The following CCDC6 variants were observed in gnomAD, a reference collection of about 807,000 sequenced individuals.
The protein encoded by CCDC6 is coiled-coil domain containing 6, also known as coiled-coil domain-containing protein 6.
Under a neutral mutation model 56.6 loss-of-function variants are expected in CCDC6, and 20 were observed. The ratio of observed to expected loss-of-function variants is 0.35; its 90% CI spans 0.25 to 0.51. The LOEUF (loss-of-function observed/expected upper bound fraction) is 0.51. CCDC6 is among the 20% of genes least tolerant of loss of function. The probability of loss-of-function intolerance (pLI) is 0.95; values close to 1 mark genes in which losing one functional copy is unlikely to be tolerated. For synonymous variants in CCDC6, 241 were observed against 234.4 expected, an observed-to-expected ratio of 1.03 and a Z score of -0.26; for missense variants, 367 against 601.1, an observed-to-expected ratio of 0.61 and a Z score of 4.07.
At chr10:59,853,742 G>A (rs1254638099) in intron 1 of CCDC6, among the ~76,000 whole-genome samples, 1 of 151,996 alleles carries the variant, frequency 6.6e-6, no homozygotes, top group Non-Finnish European at 1.5e-5. Context: ...GGAATTTTTT[G>A]GAGATGAAGT....
chr10:59,852,244 C>T (rs2071046285), intron 2 of CCDC6, among the ~76,000 whole-genome samples: 1 of 152,180 alleles, frequency 6.6e-6, no homozygotes, highest in Non-Finnish European at 1.5e-5. Context: ...AAAAATTTCA[C>T]ATTTGGCATT....
chr10:59,871,628 A>G (rs2071230788), intron 1 of CCDC6, among the ~76,000 whole-genome samples: 1 of 152,190 alleles, frequency 6.6e-6, no homozygotes, highest in South Asian at 2.1e-4. Context: ...CTAGCTAATC[A>G]GGAGACCTTA....
At chr10:59,821,648 A>C (rs1433185907) in intron 3 of CCDC6, among the ~76,000 whole-genome samples, 1 of 152,204 alleles carries the variant, frequency 6.6e-6, no homozygotes, top group Non-Finnish European at 1.5e-5. Flanking sequence ...CTGAGAACAG[A>C]AAGAGTTGAG....
Position 59,793,089 on chromosome 10 carries a change from T to C in CCDC6, c.1253A>G (p.Asn418Ser), listed in dbSNP as rs753654129. The C allele has an allele frequency of 3.7e-6, 6 of 1,613,680 alleles. No homozygotes were observed. Among genetic ancestry groups the C allele is most frequent in the South Asian group, 1.1e-5 (1 of 91,066 alleles). ...GITRPSPRRS[N>S]SPDKFKRPTP... ...GGGCCGTTTGAATTTGTCAGGACTGTTGCTTCTCCGTGGTGAAGGCCTCTG... is the reference window on the plus strand; with the variant it reads ...GGGCCGTTTGAATTTGTCAGGACTGCTGCTTCTCCGTGGTGAAGGCCTCTG... The change falls in exon 9 of 9, where the codon AAC (asparagine) becomes AGC (serine). Residue 418 changes from asparagine (N) to serine (S), a missense_variant. Transcript: ENST00000263102.
chr10:59,892,400 C>G (rs2071428858), intron 1 of CCDC6, among the ~76,000 whole-genome samples: 2 of 152,120 alleles, frequency 1.3e-5, no homozygotes. Flanking sequence ...CTCACCAAAC[C>G]CTTGGAAACC....
intron 7 of CCDC6, among the ~76,000 whole-genome samples, chr10:59,802,081 A>G (rs977242056): frequency 2.6e-5 from 4 of 152,194 alleles, no homozygotes; most frequent in African/African-American, 9.7e-5. Context: ...AGACACATCA[A>G]AACAGGCTAA....
At chr10:59,834,052 A>T (rs999413825) in intron 2 of CCDC6, among the ~76,000 whole-genome samples, 1 of 152,068 alleles carries the variant, frequency 6.6e-6, no homozygotes, top group Non-Finnish European at 1.5e-5. Flanking sequence ...CAAATGATTA[A>T]ACATAGAAAA....
At position 59,789,863 on chromosome 10, in the gene CCDC6, T is replaced by C. The variant is rs1312794812; in HGVS notation, c.*3054A>G. On this transcript the variant is annotated 3_prime_UTR_variant, in exon 9 of 9. Transcript: ENST00000263102. ...TTCTATTTTCCTACAAGTGAACAAT[T>C]AACAAAAATTCACATTATCAATTAT... 3 of 215,494 alleles carry C rather than the reference T, an allele frequency of 1.4e-5. No individual in the cohort carries two copies. Among genetic ancestry groups the C allele is most frequent in the Non-Finnish European group, 2.8e-5 (3 of 107,752 alleles). The allele number at this position is 215,494 out of a possible 1,614,324, so 13.3% of individuals were successfully genotyped here.
intron 2 of CCDC6, among the ~76,000 whole-genome samples, chr10:59,833,624 T>C (rs946532555): frequency 8.2e-6 from 1 of 122,580 alleles, no homozygotes; most frequent in African/African-American, 3.0e-5. Context: ...CGCGTTATTT[T>C]TATAACACTC....
intron 4 of CCDC6, among the ~76,000 whole-genome samples, chr10:59,813,078 G>A (rs1178697697): frequency 6.6e-6 from 1 of 152,194 alleles, no homozygotes; most frequent in Non-Finnish European, 1.5e-5. Flanking sequence ...AACAGGATCT[G>A]ATAATTATGC....
intron 1 of CCDC6, among the ~76,000 whole-genome samples, chr10:59,895,080 C>T (rs150933272): frequency 4.8e-4 from 73 of 152,184 alleles, no homozygotes; most frequent in African/African-American, 1.5e-3. Flanking sequence ...GGTGAAAGGA[C>T]GGCTTGAGCC....
At chr10:59,841,724 T>C (rs549240463) in intron 2 of CCDC6, among the ~76,000 whole-genome samples, 8 of 151,288 alleles carry the variant, frequency 5.3e-5, no homozygotes, top group African/African-American at 1.7e-4. Context: ...CTGGAGTGCG[T>C]TGGCGTGATC....
rs985882826 is a variant in CCDC6 at position 59,790,893 on chromosome 10, T to C, written c.*2024A>G. On this transcript the variant is annotated 3_prime_UTR_variant, in exon 9 of 9. Coordinates refer to ENST00000263102, the MANE Select transcript of CCDC6 (RefSeq NM_005436.5). ...GGGAAGATCATTCCATTATGGACTT[T>C]CTTGTTTGGGTGCAAGACACTATCC... is the stretch of plus-strand genomic sequence containing the variant. 1.4e-5 allele frequency: 3 copies of C among 207,542 alleles called. No individual in the cohort carries two copies. Among genetic ancestry groups the C allele is most frequent in the African/African-American group, 2.3e-5 (1 of 43,880 alleles). 12.9% of individuals were successfully genotyped at this position (207,542 alleles called of 1,614,324 possible).
intron 5 of CCDC6, among the ~76,000 whole-genome samples, chr10:59,808,225 C>T (rs2070643129): frequency 6.6e-6 from 1 of 152,152 alleles, no homozygotes; most frequent in Non-Finnish European, 1.5e-5. Context: ...GGCTGAGCCA[C>T]TTAGACTACC....
intron 1 of CCDC6, among the ~76,000 whole-genome samples, chr10:59,896,047 G>A (rs78404540): frequency 6.6e-6 from 1 of 152,156 alleles, no homozygotes; most frequent in Non-Finnish European, 1.5e-5. Flanking sequence ...CACACTCCAC[G>A]GGGAGAGGAT....
chr10:59,880,941 G>C (rs2071328740), intron 1 of CCDC6, among the ~76,000 whole-genome samples: 1 of 152,174 alleles, frequency 6.6e-6, no homozygotes, highest in Admixed American at 6.5e-5. Context: ...ACTCAGGAAG[G>C]AACGATCAGT....
chr10:59,803,486 C>T (rs1420196140), intron 7 of CCDC6, among the ~76,000 whole-genome samples: 4 of 152,192 alleles, frequency 2.6e-5, no homozygotes, highest in South Asian at 2.1e-4. Flanking sequence ...TACTTTTCTC[C>T]CAACTCTGCT....
chr10:59,830,174 G>T (rs935949232), intron 3 of CCDC6, among the ~76,000 whole-genome samples: 2 of 152,196 alleles, frequency 1.3e-5, no homozygotes, highest in Non-Finnish European at 2.9e-5. Context: ...TGTCAGTAAA[G>T]CAAAGACAAA....
chr10:59,800,755 T>C (rs10994021), intron 7 of CCDC6, among the ~76,000 whole-genome samples: 21,711 of 151,784 alleles, frequency 0.14, 1,856 homozygotes, highest in East Asian at 0.24. Context: ...AGGAATACAA[T>C]AAAGGATAAC....
Sources: gnomAD v4.1 joint callset for allele counts (sites outside exome capture counted in the v4.1 genomes callset) on GRCh38, gnomAD v4.1.1 for gene constraint, MANE v1.5 for transcripts, NCBI Gene and HGNC (gene_info 2026-07-23, HGNC 2026-07-21) for gene names.